C12orf42: variants seen among roughly 807,000 people sequenced by gnomAD.
The protein encoded by C12orf42 is uncharacterized protein C12orf42.
Under a neutral mutation model 21.6 loss-of-function variants are expected in C12orf42, and 25 were observed. The observed-to-expected ratio is 1.16, with a 90% confidence interval of 0.84 to 1.62. The LOEUF is 1.62. C12orf42 is among the 40% of genes most tolerant of loss of function. The probability of loss-of-function intolerance (pLI) is 0.00; values close to 1 mark genes in which losing one functional copy is unlikely to be tolerated. For synonymous variants in C12orf42, 174 were observed against 175.0 expected (o/e 0.99, Z 0.05); for missense variants, 483 against 459.3 (o/e 1.05, Z -0.47).
chr12:103,213,391 T>A, the C12orf42 span, among the ~76,000 whole-genome samples: 1 of 152,134 alleles, frequency 6.6e-6, no homozygotes, highest in South Asian at 2.1e-4. Context: ...ATTTTGTAAA[T>A]CTCTTTATTG....
chr12:103,517,696 G>T, the C12orf42 span, among the ~76,000 whole-genome samples: 1 of 151,944 alleles, frequency 6.6e-6, no homozygotes, highest in Non-Finnish European at 1.5e-5. Context: ...TTTTTTCAAT[G>T]AGAATGTCTT....
the C12orf42 span, among the ~76,000 whole-genome samples, chr12:103,068,932 C>CTCTCTCT: frequency 2.1e-5 from 1 of 48,188 alleles, no homozygotes. Context: ...TCTCTCTCTC[C>CTCTCTCT]ACATATATAT....
chr12:103,355,837 T>C (rs1566140466), intron 4 of C12orf42, among the ~76,000 whole-genome samples: 1 of 152,156 alleles, frequency 6.6e-6, no homozygotes, highest in Non-Finnish European at 1.5e-5. Flanking sequence ...ATGCTAACTA[T>C]CCTTTCCCTT....
intron 2 of C12orf42, among the ~76,000 whole-genome samples, chr12:103,462,704 A>C (rs1361308560): frequency 3.3e-5 from 5 of 152,224 alleles, no homozygotes; most frequent in African/African-American, 7.2e-5. Context: ...AAATCAGAAA[A>C]GGAATAGAAA....
chr12:103,092,753 T>C, the C12orf42 span, among the ~76,000 whole-genome samples: 1 of 152,196 alleles, frequency 6.6e-6, no homozygotes, highest in African/African-American at 2.4e-5. Context: ...CATGAGATAA[T>C]CACATATAGA....
At chr12:103,424,628 C>T (rs933712069) in intron 2 of C12orf42, among the ~76,000 whole-genome samples, 1 of 152,214 alleles carries the variant, frequency 6.6e-6, no homozygotes, top group African/African-American at 2.4e-5. Context: ...CCATGAGGAA[C>T]AGTGCATTCC....
intron 3 of C12orf42, among the ~76,000 whole-genome samples, chr12:103,397,411 T>C (rs2047626870): frequency 6.6e-6 from 1 of 152,194 alleles, no homozygotes; most frequent in Non-Finnish European, 1.5e-5. Context: ...TATCACCTGA[T>C]CTCTGCCTCC....
At chr12:103,524,365 G>T in the C12orf42 span, among the ~76,000 whole-genome samples, 1 of 152,140 alleles carries the variant, frequency 6.6e-6, no homozygotes, top group East Asian at 1.9e-4. Flanking sequence ...TTCCAGCCAC[G>T]CTGCCTTGAG....
At chr12:103,370,056 C>A (rs7312908) in intron 3 of C12orf42, among the ~76,000 whole-genome samples, 50,450 of 151,906 alleles carry the variant, frequency 0.33, 8,962 homozygotes, top group African/African-American at 0.46. Flanking sequence ...AACACCATTA[C>A]AAAGTGGACA....
At chr12:103,456,019 C>A (rs554332153) in intron 2 of C12orf42, among the ~76,000 whole-genome samples, 8 of 152,150 alleles carry the variant, frequency 5.3e-5, no homozygotes, top group Admixed American at 3.3e-4. Context: ...CAGCAGGGAA[C>A]AATAGAAGCA....
intron 4 of C12orf42, among the ~76,000 whole-genome samples, chr12:103,327,707 C>T (rs2040839167): frequency 6.6e-6 from 1 of 152,162 alleles, no homozygotes; most frequent in Admixed American, 6.5e-5. Flanking sequence ...GAATGGATTA[C>T]CTCTCACAGC....
chr12:103,543,446 C>T, the C12orf42 span, among the ~76,000 whole-genome samples: 1 of 151,976 alleles, frequency 6.6e-6, no homozygotes, highest in Non-Finnish European at 1.5e-5. Context: ...CCCATCTCTA[C>T]AAAATTTTTT....
intron 4 of C12orf42, among the ~76,000 whole-genome samples, chr12:103,365,612 A>C (rs900265860): frequency 2.6e-5 from 4 of 152,124 alleles, no homozygotes; most frequent in African/African-American, 9.7e-5. Context: ...AGAACTGATA[A>C]ACGAATTCAA....
At chr12:103,092,060 T>C in the C12orf42 span, among the ~76,000 whole-genome samples, 1 of 152,156 alleles carries the variant, frequency 6.6e-6, no homozygotes, top group African/African-American at 2.4e-5. Context: ...GTTTGTTTGT[T>C]TGGTTTGCTA....
intron 2 of C12orf42, among the ~76,000 whole-genome samples, chr12:103,436,504 C>A (rs1349081238): frequency 6.6e-6 from 1 of 151,484 alleles, no homozygotes; most frequent in Admixed American, 6.6e-5. Flanking sequence ...ATTCAGGAAA[C>A]CCATCTCACG....
chr12:103,345,913 C>T (rs576750288), intron 4 of C12orf42, among the ~76,000 whole-genome samples: 2 of 152,100 alleles, frequency 1.3e-5, no homozygotes, highest in African/African-American at 4.8e-5. Context: ...TAACTATGTA[C>T]ATGGGGCTAT....
chr12:103,233,033 C>T (rs535409663), downstream of C12orf42, among the ~76,000 whole-genome samples: 1 of 152,296 alleles, frequency 6.6e-6, no homozygotes, highest in East Asian at 1.9e-4. Context: ...CAATCCTGCT[C>T]TTCTAGCAAC....
At chr12:103,495,479 G>A (rs895338040) in intron 1 of C12orf42, among the ~76,000 whole-genome samples, 3 of 150,552 alleles carry the variant, frequency 2.0e-5, no homozygotes, top group Admixed American at 2.0e-4. Flanking sequence ...CGAGCCGGCC[G>A]GGTGGGGAGG....
At chr12:103,189,984 T>TATATACAC in the C12orf42 span, among the ~76,000 whole-genome samples, 2 of 151,206 alleles carry the variant, frequency 1.3e-5, no homozygotes, top group African/African-American at 4.9e-5. Context: ...TATATATATA[T>TATATACAC]ACACACACAC....
Sources: allele counts gnomAD v4.1 joint callset (sites outside exome capture counted in the v4.1 genomes callset), GRCh38; gene constraint gnomAD v4.1.1; transcripts MANE v1.5; gene names NCBI Gene and HGNC (gene_info 2026-07-23, HGNC 2026-07-21).